Variants in POLR2B observed in about 807,000 individuals in gnomAD.
The protein encoded by POLR2B is DNA-directed RNA polymerase II subunit RPB2.
A neutral mutation model predicts 144.6 loss-of-function variants in POLR2B; 57 were observed. The ratio of observed to expected loss-of-function variants is 0.39; its 90% CI spans 0.32 to 0.49. POLR2B has a LOEUF of 0.49. Ranked by LOEUF, POLR2B falls within the 20% of genes least tolerant of loss-of-function variation. The pLI, the probability that POLR2B is intolerant of heterozygous loss-of-function variation, is 0.83. For missense variants in POLR2B, 595 were observed against 1,467.4 expected, an observed-to-expected ratio of 0.41 and a Z score of 9.71; for synonymous variants, 442 against 469.8, an observed-to-expected ratio of 0.94 and a Z score of 0.77.
chr4:57,023,836 T>TCAAAGATGATACAGGTTG lies in POLR2B; in HGVS notation c.2856+86_2856+103dup. 1 of 936,842 alleles carries TCAAAGATGATACAGGTTG rather than the reference T, an allele frequency of 1.1e-6. No homozygotes were observed. Among genetic ancestry groups the TCAAAGATGATACAGGTTG allele is most frequent in the East Asian group, 2.5e-5 (1 of 40,474 alleles). 58.0% of individuals were successfully genotyped at this position (936,842 alleles called of 1,614,324 possible). A position where few individuals can be genotyped will look rare whatever the true frequency, so the allele number is the denominator to read the frequency against. On this transcript the variant is annotated intron_variant, in intron 20 of 24. Transcript: ENST00000314595. The surrounding 1 kb of genome is among the most constrained non-coding windows in gnomAD (Gnocchi z 4.3). ...TCAAAATTTGCTTTAACTTAAGAGC[T>TCAAAGATGATACAGGTTG]CAAAGATGATACAGGTTGAACTTTT...
intron 9 of POLR2B, 79 bp from the exon 10 acceptor site, chr4:57,006,737 T>A: frequency 8.2e-7 from 1 of 1,220,856 alleles, no homozygotes; most frequent in Non-Finnish European, 1.2e-6. Context: ...CCCCACGCTT[T>A]TTTTTGCAAT....
chr4:56,989,778 C>G (rs555662160), intron 2 of POLR2B, among the ~76,000 whole-genome samples: 3 of 152,124 alleles, frequency 2.0e-5, no homozygotes, highest in African/African-American at 7.2e-5. Flanking sequence ...CATCCTCCAG[C>G]CTCTGTGATG....
rs561500884 is a variant in POLR2B, at chr4:56,993,127, A to G, written c.244-1277A>G. Reference sequence around the variant, plus strand: ...GAGACCATCCTGGCCAGCTTGGTGAAGCCCCATCTCTACCAAAAAATACAA... The same window carrying G: ...GAGACCATCCTGGCCAGCTTGGTGAGGCCCCATCTCTACCAAAAAATACAA... On this transcript the variant is annotated intron_variant, in intron 3 of 24. Transcript: ENST00000314595. Among the ~76,000 whole-genome samples the G allele has an allele frequency of 5.9e-5, 9 of 151,852 alleles. No homozygotes were observed. The South Asian group carries it at 1.7e-3, about 28-fold the overall frequency.
chr4:56,999,856 C>A, intron 7 of POLR2B, 75 bp downstream of exon 7: 3 of 1,040,142 alleles, frequency 2.9e-6, no homozygotes, highest in Non-Finnish European at 4.3e-6. Flanking sequence ...AACCTTAAAA[C>A]ATAGTAGAAA....
rs1194035341 is a variant in POLR2B, at chr4:57,024,877, T to C, written c.2965-9T>C. The C allele has an allele frequency of 6.9e-7, 1 of 1,449,364 alleles. No individual in the cohort carries two copies. The highest frequency in any genetic ancestry group is 9.6e-7 in the Non-Finnish European group (1 of 1,042,058). 89.8% of individuals were successfully genotyped at this position (1,449,364 alleles called of 1,614,324 possible). On this transcript the variant is annotated splice_polypyrimidine_tract_variant and intron_variant, in intron 21 of 24. Coordinates refer to ENST00000314595, the MANE Select transcript of POLR2B (RefSeq NM_000938.3). ...GCAACATTTTAAAGAGTACTTTTTT[T>C]TTTAAAAGGTATCGGCTAACAAGGG...
At chr4:57,021,656 T>A (rs993354570) in intron 17 of POLR2B, among the ~76,000 whole-genome samples, 2 of 146,836 alleles carry the variant, frequency 1.4e-5, no homozygotes, top group African/African-American at 4.9e-5. Flanking sequence ...GCCAGAGTTT[T>A]TTTTTGTTGT....
At chr4:56,999,830 G>A in intron 7 of POLR2B, 49 bp downstream of exon 7, 3 of 1,287,302 alleles carry the variant, frequency 2.3e-6, no homozygotes, top group Non-Finnish European at 3.3e-6. Context: ...GAGATTTAGA[G>A]TTACTGATTG....
intron 13 of POLR2B, among the ~76,000 whole-genome samples, chr4:57,014,669 AT>A (rs558812088): frequency 3.3e-5 from 5 of 150,166 alleles, no homozygotes; most frequent in South Asian, 4.2e-4. Flanking sequence ...CACCTGGCTA[AT>A]TTTTTTTGTA....
chr4:57,001,866 T>A (rs1722864681), intron 7 of POLR2B, among the ~76,000 whole-genome samples: 1 of 152,222 alleles, frequency 6.6e-6, no homozygotes, highest in Non-Finnish European at 1.5e-5. Context: ...TCCAGAGCGC[T>A]TAAGACTACA....
rs1196419596 is a variant in POLR2B, at chr4:57,017,544, TC to T, written c.2155-15del. On this transcript the variant is annotated splice_polypyrimidine_tract_variant and intron_variant, in intron 15 of 24. Coordinates refer to ENST00000314595, the MANE Select transcript of POLR2B (RefSeq NM_000938.3). This position sits in a 1 kb window ranked among gnomAD's most constrained non-coding sequence, Gnocchi z 4.8. ...AGTAACTTTTTGTTGTTTCTGCTTTTCATTTTTACGTTTAGTCCCCTAGAAA... is the reference window on the plus strand; with the variant it reads ...AGTAACTTTTTGTTGTTTCTGCTTTTATTTTTACGTTTAGTCCCCTAGAAA... The T allele has an allele frequency of 6.4e-7, 1 of 1,563,940 alleles. No individual in the cohort carries two copies. Among genetic ancestry groups the T allele is most frequent in the African/African-American group, 1.4e-5 (1 of 72,504 alleles).
rs562965639 is a variant in POLR2B at position 57,017,613 on chromosome 4, C to T, written c.2208C>T (p.Tyr736=). ...TGGGTAAGCAGGCTATGGGAGTTTACATCACCAACTTCCATGTTCGCATGG... is the reference window on the plus strand; with the variant it reads ...TGGGTAAGCAGGCTATGGGAGTTTATATCACCAACTTCCATGTTCGCATGG... The part of the protein sequence containing the change: ...SAMGKQAMGV[Y]ITNFHVRMDT... Residue 736 remains tyrosine (Y), a synonymous_variant, in exon 16 of 25, where the codon TAC becomes TAT. Coordinates refer to ENST00000314595, the MANE Select transcript of POLR2B (RefSeq NM_000938.3). This position sits in a 1 kb window ranked among gnomAD's most constrained non-coding sequence, Gnocchi z 4.8. 6 of 1,613,550 alleles carry T rather than the reference C, an allele frequency of 3.7e-6. No homozygotes were observed. The highest frequency in any genetic ancestry group is 3.3e-5 in the South Asian group (3 of 91,064).
intron 23 of POLR2B, 98 bp from the exon 24 acceptor site, chr4:57,030,097 GCCTAGTTAT>G (rs1723865597): frequency 1.2e-6 from 1 of 866,318 alleles, no homozygotes; most frequent in Non-Finnish European, 1.8e-6. Flanking sequence ...AAAAATTAGA[GCCTAGTTAT>G]CCGTCTTTGC....
chr4:57,005,833 A>G (rs1424417110), intron 9 of POLR2B, 114 bp downstream of exon 9: 1 of 895,180 alleles, frequency 1.1e-6, no homozygotes, highest in Non-Finnish European at 1.7e-6. Flanking sequence ...TACTTATGAA[A>G]TTAGCTACAT....
chr4:57,027,449 G>T (rs1253686007), intron 23 of POLR2B, among the ~76,000 whole-genome samples: 1 of 152,064 alleles, frequency 6.6e-6, no homozygotes. Context: ...GGGACTACAG[G>T]CATGCACCAC....
intron 2 of POLR2B, among the ~76,000 whole-genome samples, chr4:56,987,244 G>A (rs1190688795): frequency 6.6e-6 from 1 of 152,204 alleles, no homozygotes; most frequent in Non-Finnish European, 1.5e-5. Flanking sequence ...ATTTTAAATG[G>A]ACAAAGTTAA....
intron 6 of POLR2B, 70 bp downstream of exon 6, chr4:56,995,479 T>G (rs1362834896): frequency 2.6e-6 from 3 of 1,133,646 alleles, no homozygotes; most frequent in Non-Finnish European, 3.8e-6. Flanking sequence ...CTAGACTGCC[T>G]TCTTTGTCCA....
chr4:57,007,073 G>C, intron 10 of POLR2B, 71 bp downstream of exon 10: 3 of 1,109,422 alleles, frequency 2.7e-6, no homozygotes, highest in South Asian at 2.9e-5. Context: ...TCTTTTGTTT[G>C]TTGAATATAA....
chr4:57,005,749 G>A (rs954968231), intron 9 of POLR2B, 30 bp downstream of exon 9: 1 of 1,600,372 alleles, frequency 6.2e-7, no homozygotes, highest in Non-Finnish European at 8.5e-7. Context: ...AGTCATTAAA[G>A]CAGGGAGATT....
intron 3 of POLR2B, among the ~76,000 whole-genome samples, chr4:56,992,910 T>C (rs1722565715): frequency 6.6e-6 from 1 of 152,054 alleles, no homozygotes; most frequent in South Asian, 2.1e-4. Context: ...TGAATGTCAT[T>C]GGATGTTATG....
Sources: gnomAD v4.1 joint callset for allele counts (sites outside exome capture counted in the v4.1 genomes callset) on GRCh38, gnomAD v4.1.1 for gene constraint, Gnocchi (gnomAD v3.1) non-coding constraint, MANE v1.5 for transcripts, NCBI Gene and HGNC (gene_info 2026-07-23, HGNC 2026-07-21) for gene names.